The following ABTB3 variants were observed in gnomAD, a reference collection of about 807,000 sequenced individuals.
ABTB3 encodes the protein ankyrin repeat and BTB domain containing 3.
At chr12:107,513,681 A>G in the ABTB3 span, among the ~76,000 whole-genome samples, 2 of 152,168 alleles carry the variant, frequency 1.3e-5, no homozygotes, top group African/African-American at 2.4e-5. Context: ...CCTGCGTTCA[A>G]TAAAAAAACA....
At chr12:107,570,556 T>C in the ABTB3 span, among the ~76,000 whole-genome samples, 3 of 152,248 alleles carry the variant, frequency 2.0e-5, no homozygotes, top group South Asian at 2.1e-4. Flanking sequence ...GGCTAACCTA[T>C]AGTTTTACCT....
the ABTB3 span, among the ~76,000 whole-genome samples, chr12:107,638,343 A>G: frequency 6.6e-6 from 1 of 152,160 alleles, no homozygotes; most frequent in Non-Finnish European, 1.5e-5. Context: ...AGTCTGGGGA[A>G]AATGCAGCCA....
the ABTB3 span, among the ~76,000 whole-genome samples, chr12:107,443,249 G>A: frequency 1.2e-4 from 19 of 152,028 alleles, no homozygotes; most frequent in East Asian, 1.9e-3. Context: ...ATGAAATGGC[G>A]CGGCCTTTTT....
the ABTB3 span, among the ~76,000 whole-genome samples, chr12:107,515,115 A>G: frequency 1.3e-5 from 2 of 152,206 alleles, no homozygotes; most frequent in Non-Finnish European, 2.9e-5. Flanking sequence ...GTCCAGAGAG[A>G]TTCTATGACC....
chr12:107,571,680 C>T, the ABTB3 span, among the ~76,000 whole-genome samples: 12 of 152,368 alleles, frequency 7.9e-5, no homozygotes, highest in African/African-American at 2.4e-4. Context: ...TCTGAGGCTG[C>T]GGCTCCCCTC....
the ABTB3 span, among the ~76,000 whole-genome samples, chr12:107,655,336 C>T: frequency 3.3e-5 from 5 of 152,160 alleles, no homozygotes; most frequent in South Asian, 2.1e-4. Context: ...GCTCTGCCTC[C>T]GCCTTCCCAG....
the ABTB3 span, among the ~76,000 whole-genome samples, chr12:107,561,214 C>T: frequency 6.6e-6 from 1 of 152,134 alleles, no homozygotes; most frequent in African/African-American, 2.4e-5. Flanking sequence ...ACACCCCAGA[C>T]CCTGGGGCAG....
the ABTB3 span, among the ~76,000 whole-genome samples, chr12:107,552,610 A>T: frequency 6.6e-6 from 1 of 152,240 alleles, no homozygotes; most frequent in Non-Finnish European, 1.5e-5. Context: ...TAGTCAAAAG[A>T]GATCTTAGAA....
chr12:107,582,315 A>G, the ABTB3 span, among the ~76,000 whole-genome samples: 9 of 152,198 alleles, frequency 5.9e-5, no homozygotes, highest in African/African-American at 1.9e-4. Flanking sequence ...AGGTACTGTG[A>G]TTATGCTCAC....
At chr12:107,400,349 C>T in the ABTB3 span, among the ~76,000 whole-genome samples, 1 of 152,174 alleles carries the variant, frequency 6.6e-6, no homozygotes, top group Admixed American at 6.5e-5. Flanking sequence ...GGCCTCTCCA[C>T]TGGGATTTCT....
the ABTB3 span, among the ~76,000 whole-genome samples, chr12:107,574,943 A>G: frequency 1.3e-5 from 2 of 152,208 alleles, no homozygotes; most frequent in African/African-American, 4.8e-5. Context: ...CTGTCACTAT[A>G]GTAACCAGCT....
chr12:107,491,500 T>C, the ABTB3 span, among the ~76,000 whole-genome samples: 50 of 152,066 alleles, frequency 3.3e-4, no homozygotes, highest in African/African-American at 1.2e-3. Flanking sequence ...AGCAGTCCAG[T>C]GTGAAGGAAG....
the ABTB3 span, among the ~76,000 whole-genome samples, chr12:107,599,682 T>C: frequency 6.6e-6 from 1 of 152,332 alleles, no homozygotes; most frequent in East Asian, 1.9e-4. Context: ...GACAGCCTTG[T>C]GAGGCTGGGG....
At chr12:107,569,413 T>G in the ABTB3 span, among the ~76,000 whole-genome samples, 17 of 152,228 alleles carry the variant, frequency 1.1e-4, no homozygotes, top group Non-Finnish European at 1.8e-4. Flanking sequence ...CTATGGTAAG[T>G]TCAAAGCCAT....
At chr12:107,490,528 A>G in the ABTB3 span, among the ~76,000 whole-genome samples, 1 of 152,124 alleles carries the variant, frequency 6.6e-6, no homozygotes, top group Non-Finnish European at 1.5e-5. Flanking sequence ...GTGGATATTT[A>G]CCAGGTGAGA....
chr12:107,649,405 TG>T, the ABTB3 span: 2 of 849,810 alleles, frequency 2.4e-6, no homozygotes, highest in Non-Finnish European at 4.0e-6. Context: ...GATGAAGACT[TG>T]GGGCTCTTGT....
the ABTB3 span, among the ~76,000 whole-genome samples, chr12:107,452,775 A>C: frequency 5.9e-5 from 9 of 152,184 alleles, no homozygotes; most frequent in Non-Finnish European, 1.2e-4. Context: ...CGGGAGGTGG[A>C]GGTTGCAGTG....
the ABTB3 span, among the ~76,000 whole-genome samples, chr12:107,428,819 A>G: frequency 5.9e-5 from 9 of 152,378 alleles, no homozygotes; most frequent in South Asian, 1.0e-3. Context: ...GCTCGGTGCC[A>G]GGCACCGTGA....
At chr12:107,618,777 A>G in the ABTB3 span, among the ~76,000 whole-genome samples, 6 of 152,302 alleles carry the variant, frequency 3.9e-5, no homozygotes, top group Non-Finnish European at 7.4e-5. Flanking sequence ...ATATTTAACA[A>G]TCATCCCAGG....
Sources: allele counts gnomAD v4.1 joint callset (sites outside exome capture counted in the v4.1 genomes callset), GRCh38; gene constraint gnomAD v4.1.1; transcripts MANE v1.5; gene names NCBI Gene and HGNC (gene_info 2026-07-23, HGNC 2026-07-21).